Variants in UNC5B observed in about 807,000 individuals in gnomAD.
UNC5B encodes the protein unc-5 netrin receptor B, also known as netrin receptor UNC5B.
UNC5B carries 56 observed loss-of-function variants against 103.7 expected under a neutral mutation model. That is an observed-to-expected ratio of 0.54 (90% CI 0.44 to 0.67). UNC5B has a LOEUF of 0.67. Ranked by LOEUF, UNC5B falls within the 30% of genes least tolerant of loss-of-function variation. The pLI is 0.00. For missense variants in UNC5B, 1,194 were observed against 1,284.5 expected (o/e 0.93, Z 1.08); for synonymous variants, 577 against 542.0 (o/e 1.06, Z -0.90).
chr10:71,222,312 G>A (rs1385616795), intron 1 of UNC5B, among the ~76,000 whole-genome samples: 2 of 36,198 alleles, frequency 5.5e-5, no homozygotes, highest in Non-Finnish European at 2.5e-4. Context: ...AGGGCCAGAG[G>A]TCTCTTAGTG....
chr10:71,236,856 C>T (rs1336815119), intron 1 of UNC5B, among the ~76,000 whole-genome samples: 1 of 152,206 alleles, frequency 6.6e-6, no homozygotes, highest in African/African-American at 2.4e-5. Context: ...CTCTGTGCCT[C>T]GCTCCAAGGG....
intron 1 of UNC5B, among the ~76,000 whole-genome samples, chr10:71,242,511 G>A (rs1306975749): frequency 6.6e-6 from 1 of 152,172 alleles, no homozygotes; most frequent in African/African-American, 2.4e-5. Context: ...CCCTGGGCAG[G>A]GCCTGTCCAC....
intron 1 of UNC5B, among the ~76,000 whole-genome samples, chr10:71,257,765 G>A (rs1261919805): frequency 6.6e-6 from 1 of 152,236 alleles, no homozygotes; most frequent in Non-Finnish European, 1.5e-5. Context: ...CTGTTGTAGG[G>A]CAAAGAGGAA....
chr10:71,279,453 C>T (rs1844856992), intron 1 of UNC5B, among the ~76,000 whole-genome samples: 1 of 152,184 alleles, frequency 6.6e-6, no homozygotes, highest in Admixed American at 6.5e-5. Flanking sequence ...GGATAGAAGC[C>T]GGGCAGGGAC....
chr10:71,216,346 G>C (rs566057396), intron 1 of UNC5B, among the ~76,000 whole-genome samples: 1 of 152,334 alleles, frequency 6.6e-6, no homozygotes, highest in Non-Finnish European at 1.5e-5. Flanking sequence ...TGGCAGGATG[G>C]AGGAAAGAGG....
intron 8 of UNC5B, 65 bp from the exon 9 acceptor site, chr10:71,290,850 G>A (rs779062738): frequency 2.9e-5 from 45 of 1,525,946 alleles, no homozygotes; most frequent in Non-Finnish European, 4.0e-5. Flanking sequence ...AGGGACCCAG[G>A]GCCTCCCTGA....
chr10:71,292,610 C>A, intron 11 of UNC5B, 56 bp downstream of exon 11: 1 of 1,486,268 alleles, frequency 6.7e-7, no homozygotes, highest in Non-Finnish European at 9.2e-7. Context: ...TTGCTGCCTG[C>A]CCACACGTGG....
At chr10:71,231,540 C>T (rs952678741) in intron 1 of UNC5B, among the ~76,000 whole-genome samples, 1 of 152,236 alleles carries the variant, frequency 6.6e-6, no homozygotes, top group Admixed American at 6.5e-5. Flanking sequence ...GCTGTGTACG[C>T]TCAGCAATGT....
chr10:71,279,735 TC>T (rs1844867365), intron 1 of UNC5B, 85 bp from the exon 2 acceptor site: 1 of 1,434,726 alleles, frequency 7.0e-7, no homozygotes, highest in African/African-American at 1.4e-5. Context: ...GTCCTCTTCG[TC>T]TGCGGTGGGC....
intron 1 of UNC5B, among the ~76,000 whole-genome samples, chr10:71,236,663 C>T (rs1262628473): frequency 2.0e-5 from 3 of 152,194 alleles, no homozygotes; most frequent in East Asian, 1.9e-4. Context: ...CTTCCCTGCC[C>T]GAGCCCCCAC....
At chr10:71,237,661 C>T (rs190355006) in intron 1 of UNC5B, among the ~76,000 whole-genome samples, 72 of 152,158 alleles carry the variant, frequency 4.7e-4, no homozygotes, top group Non-Finnish European at 9.4e-4. Context: ...GAAGGAGGTG[C>T]GGTGAAGTCC....
intron 15 of UNC5B, among the ~76,000 whole-genome samples, chr10:71,297,675 C>T (rs1226545038): frequency 1.3e-5 from 2 of 152,248 alleles, no homozygotes; most frequent in Admixed American, 1.3e-4. Context: ...TCTGCATTTG[C>T]CTGGGGCCTT....
chr10:71,231,111 C>A (rs905686229), intron 1 of UNC5B, among the ~76,000 whole-genome samples: 1 of 152,196 alleles, frequency 6.6e-6, no homozygotes, highest in Admixed American at 6.5e-5. Flanking sequence ...CCATAGGATT[C>A]CTTATATGAA....
intron 1 of UNC5B, among the ~76,000 whole-genome samples, chr10:71,250,393 G>T (rs536074832): frequency 1.3e-5 from 2 of 152,336 alleles, no homozygotes; most frequent in South Asian, 4.1e-4. Flanking sequence ...GTCTGGCCTG[G>T]CTTGGGTGTG....
intron 1 of UNC5B, among the ~76,000 whole-genome samples, chr10:71,219,379 G>A (rs866567744): frequency 1.3e-5 from 2 of 152,186 alleles, no homozygotes; most frequent in African/African-American, 4.8e-5. Context: ...GAGCCAGTCC[G>A]AGTTCCAAAA....
At chr10:71,237,722 G>A (rs941993706) in intron 1 of UNC5B, among the ~76,000 whole-genome samples, 12 of 152,182 alleles carry the variant, frequency 7.9e-5, no homozygotes, top group Non-Finnish European at 1.6e-4. Flanking sequence ...CTATAGGATC[G>A]GGAAGGAGGT....
At position 71,213,675 on chromosome 10, in the gene UNC5B, A is replaced by ACTT. The variant is rs1554858437; in HGVS notation, c.79+611_79+612insCTT. Among the ~76,000 whole-genome samples, 98 of 133,258 alleles carry ACTT rather than the reference A, an allele frequency of 7.4e-4. 1 individual carries two copies. Among genetic ancestry groups the ACTT allele is most frequent in the African/African-American group, 2.7e-3 (92 of 34,642 alleles). The allele number at this position is 133,258 out of a possible 152,430, so 87.4% of individuals were successfully genotyped here. On this transcript the variant is annotated intron_variant, in intron 1 of 16. Coordinates refer to ENST00000335350, the MANE Select transcript of UNC5B (RefSeq NM_170744.5). The surrounding 1 kb of genome is among the most constrained non-coding windows in gnomAD (Gnocchi z 4.1). ...ATCGCTGGGCCCGCAGGTCTGGAAG[A>ACTT]ATTATTATTATTATTATTATTATTA...
intron 1 of UNC5B, among the ~76,000 whole-genome samples, chr10:71,224,375 A>ATG (rs1564705432): frequency 1.4e-5 from 2 of 141,184 alleles, no homozygotes; most frequent in East Asian, 4.6e-4. Context: ...ACACACACAC[A>ATG]CACACACACA....
At chr10:71,274,370 A>T (rs1380581695) in intron 1 of UNC5B, among the ~76,000 whole-genome samples, 3 of 139,974 alleles carry the variant, frequency 2.1e-5, no homozygotes, top group African/African-American at 7.5e-5. Flanking sequence ...AAAAAAAAAA[A>T]AAATAAAATA....
Sources: allele counts gnomAD v4.1 joint callset (sites outside exome capture counted in the v4.1 genomes callset), GRCh38; gene constraint gnomAD v4.1.1; non-coding constraint Gnocchi (gnomAD v3.1); transcripts MANE v1.5; gene names NCBI Gene and HGNC (gene_info 2026-07-23, HGNC 2026-07-21).